MCM5: variants seen among roughly 807,000 people sequenced by gnomAD.
MCM5 encodes the protein minichromosome maintenance complex component 5, also known as DNA replication licensing factor MCM5.
Under a neutral mutation model 79.9 loss-of-function variants are expected in MCM5, and 46 were observed. That is an observed-to-expected ratio of 0.58 (90% CI 0.45 to 0.74). The LOEUF is 0.74. Among genes scored for constraint, MCM5 ranks in the 30% least tolerant of loss-of-function variants. MCM5 has a pLI of 0.00. For missense variants in MCM5, 883 were observed against 1,017.0 expected (o/e 0.87, Z 1.79); for synonymous variants, 404 against 390.5 (o/e 1.03, Z -0.41).
intron 2 of MCM5, chr22:35,401,869 G>C (rs941628325): frequency 2.7e-6 from 1 of 373,522 alleles, no homozygotes. Context: ...GGACCTTTGA[G>C]CTAAGGTCAG....
the MCM5 span, among the ~76,000 whole-genome samples, chr22:35,444,161 A>G: frequency 1.1e-5 from 1 of 89,482 alleles, no homozygotes; most frequent in Non-Finnish European, 2.1e-5. Context: ...TAGAACTGAC[A>G]GGCAGGAGAG....
the MCM5 span, among the ~76,000 whole-genome samples, chr22:35,452,382 G>A: frequency 1.7e-4 from 26 of 152,318 alleles, no homozygotes; most frequent in South Asian, 5.4e-3. Flanking sequence ...ACAGTAGGAC[G>A]TAGGCTCCAC....
Position 35,419,972 on chromosome 22 carries a change from A to G in MCM5, c.1792A>G (p.Arg598Gly). ...IMRSGARQHE[R>G]DSDRRSSIPI... ...GCGGAGCGGGGCCCGTCAGCACGAGAGGGACAGTGACCGCCGCTCCAGCAT... is the reference window on the plus strand; with the variant it reads ...GCGGAGCGGGGCCCGTCAGCACGAGGGGGACAGTGACCGCCGCTCCAGCAT... Residue 598 changes from arginine (R) to glycine (G), a missense_variant, in exon 14 of 17, where the codon AGG becomes GGG. Physicochemically the swap from Arg to Gly is moderately radical, Grantham distance 125. This residue lies in a region of MCM5 where 426 missense variants were observed against 482.3 expected (regional missense o/e 0.88). Coordinates refer to ENST00000216122, the MANE Select transcript of MCM5 (RefSeq NM_006739.4). 1 of 1,612,622 alleles carries G rather than the reference A, an allele frequency of 6.2e-7. No homozygotes were observed.
chr22:35,419,400 TC>T (rs1249374980), intron 13 of MCM5, among the ~76,000 whole-genome samples: 2 of 152,182 alleles, frequency 1.3e-5, no homozygotes, highest in Non-Finnish European at 2.9e-5. Flanking sequence ...TCTGAGGTGC[TC>T]CCAGCCCCTG....
rs1028271579 is a variant in MCM5, at chr22:35,419,969, G to C, written c.1789G>C (p.Glu597Gln). 1 of 1,612,692 alleles carries C rather than the reference G, an allele frequency of 6.2e-7. No individual in the cohort carries two copies. Among genetic ancestry groups the C allele is most frequent in the Non-Finnish European group, 8.5e-7 (1 of 1,179,506 alleles). The change falls in exon 14 of 17, where the codon GAG becomes CAG. Residue 597 changes from glutamate to glutamine, a missense_variant. Physicochemically the swap from Glu to Gln is conservative, Grantham distance 29. Around this residue, in one of 3 missense-constraint regions of MCM5, gnomAD observed 426 missense variants for 482.3 expected, o/e 0.88. Coordinates refer to ENST00000216122, the MANE Select transcript of MCM5 (RefSeq NM_006739.4). ...CATGCGGAGCGGGGCCCGTCAGCAC[G>C]AGAGGGACAGTGACCGCCGCTCCAG... Reference protein sequence around the residue: ...IIMRSGARQHERDSDRRSSIP... With the variant: ...IIMRSGARQHQRDSDRRSSIP...
At position 35,415,725 on chromosome 22, in the gene MCM5, G is replaced by C. The variant is rs1357767327; in HGVS notation, c.1204-104G>C. ...TATTCTGTACCCTGCAGCCAGCTTT[G>C]ATGTGTGACCTTGGGCAAATCACAA... On this transcript the variant is annotated intron_variant, in intron 9 of 16. Transcript: ENST00000216122. The C allele has an allele frequency of 2.3e-6, 3 of 1,300,822 alleles. No individual in the cohort carries two copies. The African/African-American group carries it at 4.4e-5, about 19-fold the overall frequency. The allele number at this position is 1,300,822 out of a possible 1,614,324, so 80.6% of individuals were successfully genotyped here.
chr22:35,436,164 C>CAAAAA, the MCM5 span, among the ~76,000 whole-genome samples: 2 of 61,046 alleles, frequency 3.3e-5, no homozygotes, highest in African/African-American at 9.1e-5. Flanking sequence ...AACTCAGTCT[C>CAAAAA]AAAAAAAAAA....
At chr22:35,453,364 CAG>C in the MCM5 span, among the ~76,000 whole-genome samples, 3 of 151,614 alleles carry the variant, frequency 2.0e-5, no homozygotes, top group Admixed American at 2.0e-4. Flanking sequence ...GCGTCAGAGA[CAG>C]GGACAGAAAT....
At chr22:35,418,659 CAA>C (rs60538141) in intron 13 of MCM5, among the ~76,000 whole-genome samples, 23 of 121,182 alleles carry the variant, frequency 1.9e-4, no homozygotes, top group East Asian at 7.2e-4. Context: ...GACTCTGTCT[CAA>C]AAAAAAAAAA....
the MCM5 span, among the ~76,000 whole-genome samples, chr22:35,448,571 T>G: frequency 1.3e-5 from 2 of 152,136 alleles, no homozygotes; most frequent in Non-Finnish European, 2.9e-5. Context: ...GAGGATGCAA[T>G]GGGGAATGAG....
the MCM5 span, among the ~76,000 whole-genome samples, chr22:35,436,036 G>T: frequency 6.6e-6 from 1 of 151,814 alleles, no homozygotes. Flanking sequence ...GCATGGTGGT[G>T]CATGCCTGTA....
the MCM5 span, among the ~76,000 whole-genome samples, chr22:35,452,289 G>GGCCTCGACCACACCACTTTTCTC: frequency 6.6e-6 from 1 of 151,896 alleles, no homozygotes; most frequent in African/African-American, 2.4e-5. Context: ...CCCCCACGCA[G>GGCCTCGACCACACCACTTTTCTC]GCCTCGACCA....
intron 10 of MCM5, 74 bp from the exon 11 acceptor site, chr22:35,416,265 A>T: frequency 7.0e-7 from 1 of 1,421,094 alleles, no homozygotes; most frequent in Non-Finnish European, 9.9e-7. Context: ...GGCTGCTGTT[A>T]GTTTTCCTGT....
chr22:35,403,941 CA>C (rs11453695), intron 4 of MCM5, among the ~76,000 whole-genome samples: 10 of 146,608 alleles, frequency 6.8e-5, no homozygotes, highest in Middle Eastern at 3.2e-3. Context: ...AAAAACAAAA[CA>C]AAAAAAAAAC....
Position 35,406,592 on chromosome 22 carries a change from A to G in MCM5, c.463A>G (p.Ile155Val). Reference protein sequence around the residue: ...MSHLVKIPGIIIAASAVRAKA... With the variant: ...MSHLVKIPGIVIAASAVRAKA... Reference sequence around the variant, plus strand: ...ACACCTGGTGAAGATCCCTGGCATCATCATCGCGGCCTCTGCGGTCCGTGC... The same window carrying G: ...ACACCTGGTGAAGATCCCTGGCATCGTCATCGCGGCCTCTGCGGTCCGTGC... Residue 155 changes from isoleucine (I) to valine (V), a missense_variant, in exon 5 of 17, where the codon ATC (isoleucine) becomes GTC (valine). Coordinates refer to ENST00000216122, the MANE Select transcript of MCM5 (RefSeq NM_006739.4). 1 of 1,613,850 alleles carries G rather than the reference A, an allele frequency of 6.2e-7. No individual in the cohort carries two copies. Among genetic ancestry groups the G allele is most frequent in the Non-Finnish European group, 8.5e-7 (1 of 1,179,986 alleles).
chr22:35,436,235 T>C, the MCM5 span, among the ~76,000 whole-genome samples: 1 of 148,094 alleles, frequency 6.8e-6, no homozygotes, highest in Non-Finnish European at 1.5e-5. Flanking sequence ...TCCAAGATGG[T>C]GTTTGGGACC....
At position 35,424,163 on chromosome 22, in the gene MCM5, G is replaced by C. The variant is rs766864836; in HGVS notation, c.2113G>C (p.Glu705Gln). The C allele has an allele frequency of 2.8e-5, 43 of 1,550,730 alleles. No individual in the cohort carries two copies. Among genetic ancestry groups the C allele is most frequent in the Admixed American group, 7.9e-5 (4 of 50,894 alleles). The change falls in exon 17 of 17, where the codon GAG becomes CAG. Residue 705 changes from glutamate (E) to glutamine (Q), a missense_variant. By Grantham distance (29) the Glu-to-Gln change is conservative. Around this residue, in one of 3 missense-constraint regions of MCM5, gnomAD observed 426 missense variants for 482.3 expected, o/e 0.88. Transcript: ENST00000216122. ...IKDFTKQKYP[E>Q]HAIHKVLQLM... is the part of the protein sequence containing the mutation. The stretch of plus-strand genomic sequence containing the variant: ...CCATGTGCTCCCACAGAAATACCCG[G>C]AGCACGCCATCCACAAGGTGCTGCA...
chr22:35,443,962 A>G, the MCM5 span, among the ~76,000 whole-genome samples: 3 of 152,026 alleles, frequency 2.0e-5, no homozygotes, highest in Non-Finnish European at 4.4e-5. Context: ...TGGCCTCTCT[A>G]TGCCTCAGTT....
At chr22:35,413,051 T>G (rs1306313717) in intron 8 of MCM5, among the ~76,000 whole-genome samples, 1 of 143,902 alleles carries the variant, frequency 6.9e-6, no homozygotes, top group Non-Finnish European at 1.5e-5. Context: ...CCATTCTTTG[T>G]TTTTTTTTTT....
Sources: gnomAD v4.1 joint callset for allele counts (sites outside exome capture counted in the v4.1 genomes callset) on GRCh38, gnomAD v4.1.1 for gene constraint, gnomAD v4.1.1 regional missense constraint, MANE v1.5 for transcripts, NCBI Gene and HGNC (gene_info 2026-07-23, HGNC 2026-07-21) for gene names.